OSBPL5: variants seen among roughly 807,000 people sequenced by gnomAD.
OSBPL5 encodes the protein oxysterol binding protein like 5.
In OSBPL5, 71 loss-of-function variants were observed where a neutral mutation model predicts 111.2. The observed-to-expected ratio is 0.64, with a 90% CI of 0.53 to 0.78. OSBPL5 has a LOEUF of 0.78. OSBPL5 is among the 30% of genes least tolerant of loss of function. The pLI, the probability that OSBPL5 is intolerant of heterozygous loss-of-function variation, is 0.00. For synonymous variants in OSBPL5, 549 were observed against 513.9 expected, an observed-to-expected ratio of 1.07 and a Z score of -0.93; for missense variants, 1,210 against 1,189.3, an observed-to-expected ratio of 1.02 and a Z score of -0.26.
chr11:3,110,165 C>T lies in OSBPL5; in HGVS notation c.692-2220G>A, dbSNP rs997712049. ...CACCGAGACTCCAACCTGAGAGGCA[C>T]CGGAGCCCCGTGGTCAAGGCCAGAC... On this transcript the variant is annotated intron_variant, in intron 7 of 21. Coordinates refer to ENST00000263650, the MANE Select transcript of OSBPL5 (RefSeq NM_020896.4). This position sits in a 1 kb window ranked among gnomAD's most constrained non-coding sequence, Gnocchi z 5.3. 8.5e-5 allele frequency among the ~76,000 whole-genome samples: 13 copies of T among 152,176 alleles called. No homozygotes were observed. Among genetic ancestry groups the T allele is most frequent in the African/African-American group, 2.9e-4 (12 of 41,438 alleles).
rs1411979155 is a variant in OSBPL5, at chr11:3,092,040, T to A, written c.2259+392A>T. Among the ~76,000 whole-genome samples the A allele has an allele frequency of 6.6e-6, 1 of 152,116 alleles. No individual in the cohort carries two copies. Among genetic ancestry groups the A allele is most frequent in the Non-Finnish European group, 1.5e-5 (1 of 68,008 alleles). On this transcript the variant is annotated intron_variant, in intron 19 of 21. Coordinates refer to ENST00000263650, the MANE Select transcript of OSBPL5 (RefSeq NM_020896.4). This position sits in a 1 kb window ranked among gnomAD's most constrained non-coding sequence, Gnocchi z 5.4. ...CCCTGGAGCCTCCTGCTGTCCCGCTTCCCCTTTCCAGACACAAGATCTGTG... is the reference window on the plus strand; with the variant it reads ...CCCTGGAGCCTCCTGCTGTCCCGCTACCCCTTTCCAGACACAAGATCTGTG...
rs1360283923 is a variant in OSBPL5, at chr11:3,110,233, C to T, written c.692-2288G>A. On this transcript the variant is annotated intron_variant, in intron 7 of 21. Coordinates refer to ENST00000263650, the MANE Select transcript of OSBPL5 (RefSeq NM_020896.4). The surrounding 1 kb of genome is among the most constrained non-coding windows in gnomAD (Gnocchi z 5.3). ...ACCGGCGGGATGGGAGCCCTTCACCCCACTGCTCTGGGAGGCATCACCCTG... is the reference window on the plus strand; with the variant it reads ...ACCGGCGGGATGGGAGCCCTTCACCTCACTGCTCTGGGAGGCATCACCCTG... Among the ~76,000 whole-genome samples, 1 of 152,214 alleles carries T rather than the reference C, an allele frequency of 6.6e-6. No homozygotes were observed. Among genetic ancestry groups the T allele is most frequent in the Non-Finnish European group, 1.5e-5 (1 of 68,048 alleles).
chr11:3,147,559 G>A (rs532403978), intron 1 of OSBPL5, among the ~76,000 whole-genome samples: 15 of 152,378 alleles, frequency 9.8e-5, no homozygotes, highest in African/African-American at 1.9e-4. Flanking sequence ...TGACCTCTCC[G>A]GAGTGCCGTT....
intron 10 of OSBPL5, among the ~76,000 whole-genome samples, chr11:3,103,668 C>CAG: frequency 1.3e-5 from 2 of 149,802 alleles, no homozygotes; most frequent in Admixed American, 6.6e-5. Context: ...GCCTCTGTTG[C>CAG]CCCCTTCCAG....
chr11:3,116,672 T>A (rs1022975186), intron 7 of OSBPL5, among the ~76,000 whole-genome samples: 1 of 152,102 alleles, frequency 6.6e-6, no homozygotes, highest in East Asian at 1.9e-4. Flanking sequence ...CTGGCCAACA[T>A]GGTGAAACCC....
rs1857744893 is a variant in OSBPL5, at chr11:3,107,469, G to A, written c.867-14C>T. Reference sequence around the variant, plus strand: ...GACCCGTTCAGTCTGGAAGGTGGATGGTGCCAGTGGGTCCCTGTCACAGGT... The same window carrying A: ...GACCCGTTCAGTCTGGAAGGTGGATAGTGCCAGTGGGTCCCTGTCACAGGT... On this transcript the variant is annotated splice_polypyrimidine_tract_variant and intron_variant, in intron 8 of 21. Transcript: ENST00000263650. This position sits in a 1 kb window ranked among gnomAD's most constrained non-coding sequence, Gnocchi z 6.1. The A allele has an allele frequency of 1.9e-6, 3 of 1,613,318 alleles. No homozygotes were observed. The highest frequency in any genetic ancestry group is 4.5e-5 in the East Asian group (2 of 44,866).
In OSBPL5 at chr11:3,141,416, T is replaced by A. The variant is rs904674815; in HGVS notation, c.-21-12247A>T. Among the ~76,000 whole-genome samples the A allele has an allele frequency of 6.6e-6, 1 of 152,070 alleles. No individual in the cohort carries two copies. The highest frequency in any genetic ancestry group is 1.5e-5 in the Non-Finnish European group (1 of 68,000). ...GGCAGGTCCAGCCCCGAGGCCTCCT[T>A]GGTTCCCCTCAGAACAGAGCTTCCA... On this transcript the variant is annotated intron_variant, in intron 1 of 21. Coordinates refer to ENST00000263650, the MANE Select transcript of OSBPL5 (RefSeq NM_020896.4). This position sits in a 1 kb window ranked among gnomAD's most constrained non-coding sequence, Gnocchi z 6.5.
At chr11:3,163,286 G>A (rs776143810) in intron 1 of OSBPL5, among the ~76,000 whole-genome samples, 11 of 152,198 alleles carry the variant, frequency 7.2e-5, no homozygotes, top group Non-Finnish European at 1.5e-4. Context: ...CACTGTGCCT[G>A]TATGTGTGCA....
At chr11:3,134,911 C>G (rs1421619033) in intron 1 of OSBPL5, among the ~76,000 whole-genome samples, 1 of 152,172 alleles carries the variant, frequency 6.6e-6, no homozygotes, top group Non-Finnish European at 1.5e-5. Flanking sequence ...CCTGGGAGAG[C>G]TGACAATCCC....
chr11:3,125,240 A>G (rs1038801978), intron 3 of OSBPL5, among the ~76,000 whole-genome samples: 4 of 152,260 alleles, frequency 2.6e-5, no homozygotes, highest in Non-Finnish European at 4.4e-5. Context: ...CCTTAAAAAT[A>G]TAATTTAGAA....
At position 3,093,981 on chromosome 11, in the gene OSBPL5, C is replaced by T. The variant is rs533911977; in HGVS notation, c.1720-146G>A. ...ACCCAACCCTCGCCAACGAGGCCTTCGGGACCCCCACGCCTCCGCTCAAGG... is the reference window on the plus strand; with the variant it reads ...ACCCAACCCTCGCCAACGAGGCCTTTGGGACCCCCACGCCTCCGCTCAAGG... On this transcript the variant is annotated intron_variant, in intron 15 of 21. Transcript: ENST00000263650. The T allele has an allele frequency of 6.3e-5, 64 of 1,013,122 alleles. 1 individual carries two copies. The South Asian group carries it at 6.9e-4, about 11-fold the overall frequency. 62.8% of individuals were successfully genotyped at this position (1,013,122 alleles called of 1,614,324 possible).
At chr11:3,124,517 G>T (rs4758530) in intron 3 of OSBPL5, among the ~76,000 whole-genome samples, 95,927 of 151,966 alleles carry the variant, frequency 0.63, 30,715 homozygotes, top group Non-Finnish European at 0.67. Context: ...TTGGCACATG[G>T]TGTTCCCAGC....
rs1002469842 is a variant in OSBPL5, at chr11:3,162,559, G to C, written c.-22+2657C>G. Among the ~76,000 whole-genome samples the C allele has an allele frequency of 1.6e-4, 24 of 151,966 alleles. No individual in the cohort carries two copies. Among genetic ancestry groups the C allele is most frequent in the Admixed American group, 1.6e-3 (24 of 15,256 alleles). On this transcript the variant is annotated intron_variant, in intron 1 of 21. Transcript: ENST00000263650. This position sits in a 1 kb window ranked among gnomAD's most constrained non-coding sequence, Gnocchi z 8.1. ...ACTGTGATGCTAAGAGAACAACGCG[G>C]TCCTTAGTCCAAGTCCTTTGTACTC...
chr11:3,148,398 C>T (rs1353231567), intron 1 of OSBPL5, among the ~76,000 whole-genome samples: 1 of 152,222 alleles, frequency 6.6e-6, no homozygotes, highest in African/African-American at 2.4e-5. Context: ...GGAAGTGCCC[C>T]TCCCATGACA....
rs1422474337 is a variant in OSBPL5, at chr11:3,092,289, G to A, written c.2259+143C>T. 3 of 1,213,114 alleles carry A rather than the reference G, an allele frequency of 2.5e-6. No individual in the cohort carries two copies. The highest frequency in any genetic ancestry group is 3.3e-5 in the South Asian group (2 of 60,480). 75.1% of individuals were successfully genotyped at this position (1,213,114 alleles called of 1,614,324 possible). On this transcript the variant is annotated intron_variant, in intron 19 of 21. Transcript: ENST00000263650. This position sits in a 1 kb window ranked among gnomAD's most constrained non-coding sequence, Gnocchi z 5.4. ...CCTGAGTCCCATGCTCGGCAGAGAA[G>A]GAAAGGGGACGAGGGGGCTGGGGGA... is the stretch of plus-strand genomic sequence containing the variant.
chr11:3,107,493 G>A lies in OSBPL5; in HGVS notation c.867-38C>T. 1.9e-6 allele frequency: 3 copies of A among 1,607,880 alleles called. No homozygotes were observed. The highest frequency in any genetic ancestry group is 1.1e-5 in the South Asian group (1 of 90,736). On this transcript the variant is annotated intron_variant, in intron 8 of 21. Coordinates refer to ENST00000263650, the MANE Select transcript of OSBPL5 (RefSeq NM_020896.4). The surrounding 1 kb of genome is among the most constrained non-coding windows in gnomAD (Gnocchi z 6.1). ...TGGTGCCAGTGGGTCCCTGTCACAG[G>A]TGAGAGCCCAGCACAGCCCTCTGGG...
chr11:3,100,084 CCAAAGGGT>C, intron 14 of OSBPL5, 66 bp downstream of exon 14: 1 of 1,315,264 alleles, frequency 7.6e-7, no homozygotes, highest in Non-Finnish European at 1.1e-6. Context: ...AAGCAAATAA[CCAAAGGGT>C]TTTAGCATCT....
In OSBPL5 at chr11:3,137,415, C is replaced by T. The variant is rs189349643; in HGVS notation, c.-21-8246G>A. Among the ~76,000 whole-genome samples, 361 of 152,322 alleles carry T rather than the reference C, an allele frequency of 2.4e-3. 3 individuals are homozygous for T. The highest frequency in any genetic ancestry group is 8.4e-3 in the African/African-American group (351 of 41,574). On this transcript the variant is annotated intron_variant, in intron 1 of 21. Coordinates refer to ENST00000263650, the MANE Select transcript of OSBPL5 (RefSeq NM_020896.4). ...GCTGCACTGATGGACCTTAAAGCCC[C>T]CAGGTCCTCCTGGATGTTCTGTCCC... is the stretch of plus-strand genomic sequence containing the variant.
intron 1 of OSBPL5, among the ~76,000 whole-genome samples, chr11:3,151,798 C>A (rs1846595928): frequency 6.6e-6 from 1 of 152,268 alleles, no homozygotes; most frequent in African/African-American, 2.4e-5. Flanking sequence ...GTGCTGGGAA[C>A]CTGGATGGGC....
Sources: gnomAD v4.1 joint callset for allele counts (sites outside exome capture counted in the v4.1 genomes callset) on GRCh38, gnomAD v4.1.1 for gene constraint, Gnocchi (gnomAD v3.1) non-coding constraint, MANE v1.5 for transcripts, NCBI Gene and HGNC (gene_info 2026-07-23, HGNC 2026-07-21) for gene names.